KCNJ6: variants seen among roughly 807,000 people sequenced by gnomAD.
The protein encoded by KCNJ6 is potassium inwardly rectifying channel subfamily J member 6.
A neutral mutation model predicts 34.2 loss-of-function variants in KCNJ6; 9 were observed. That is an observed-to-expected ratio of 0.26 (90% confidence interval 0.16 to 0.46). KCNJ6 has a LOEUF of 0.46. Among genes scored for constraint, KCNJ6 ranks in the 20% least tolerant of loss-of-function variants. The pLI is 1.00. For missense variants in KCNJ6, 236 were observed against 531.3 expected (o/e 0.44, Z 5.46); for synonymous variants, 196 against 207.1 (o/e 0.95, Z 0.46).
chr21:37,669,935 T>C (rs1423309519), intron 3 of KCNJ6, among the ~76,000 whole-genome samples: 2 of 152,248 alleles, frequency 1.3e-5, no homozygotes, highest in African/African-American at 4.8e-5. Flanking sequence ...TAAGAATCCA[T>C]TGATGAATCC....
Position 37,631,454 on chromosome 21 carries a change from C to T in KCNJ6, c.947-5970G>A, listed in dbSNP as rs556204196. On this transcript the variant is annotated intron_variant, in intron 3 of 3. Coordinates refer to ENST00000609713, the MANE Select transcript of KCNJ6 (RefSeq NM_002240.5). ...TCAATAAAAGCAAGAGATGAGCCTT[C>T]TGGGGCTGGTGAAGAGGGAATAACA... Among the ~76,000 whole-genome samples, 42 of 152,244 alleles carry T rather than the reference C, an allele frequency of 2.8e-4. No individual in the cohort carries two copies. The South Asian group carries it at 8.3e-3, about 30-fold the overall frequency.
At chr21:37,853,561 A>G (rs1186292668) in intron 1 of KCNJ6, among the ~76,000 whole-genome samples, 1 of 152,090 alleles carries the variant, frequency 6.6e-6, no homozygotes. Flanking sequence ...AGGAAATAAT[A>G]AAAGAAGCAA....
chr21:37,752,890 C>T (rs968045339), intron 2 of KCNJ6, among the ~76,000 whole-genome samples: 4 of 152,140 alleles, frequency 2.6e-5, no homozygotes, highest in Non-Finnish European at 5.9e-5. Context: ...AGGCTCTGCC[C>T]CTGCCCTGGA....
intron 3 of KCNJ6, among the ~76,000 whole-genome samples, chr21:37,666,935 A>G (rs1296302513): frequency 6.6e-6 from 1 of 151,196 alleles, no homozygotes; most frequent in Non-Finnish European, 1.5e-5. Flanking sequence ...GCTTTGTTAA[A>G]CAGATGCTTG....
Position 37,707,863 on chromosome 21 carries a change from A to C in KCNJ6, c.946+6348T>G, listed in dbSNP as rs532463556. ...ATGCCCTAGGAAATAATAAAACTCT[A>C]TTTGTTTAAGGATATGCTAATTAGA... is the stretch of plus-strand genomic sequence containing the variant. On this transcript the variant is annotated intron_variant, in intron 3 of 3. Coordinates refer to ENST00000609713, the MANE Select transcript of KCNJ6 (RefSeq NM_002240.5). Among the ~76,000 whole-genome samples the C allele has an allele frequency of 1.7e-4, 26 of 150,732 alleles. No individual in the cohort carries two copies. In the South Asian group the frequency reaches 5.4e-3, roughly 32 times the overall value.
chr21:37,909,105 A>G (rs1056544948), intron 1 of KCNJ6, among the ~76,000 whole-genome samples: 16 of 152,174 alleles, frequency 1.1e-4, no homozygotes, highest in African/African-American at 3.9e-4. Flanking sequence ...CACTCAGCAG[A>G]TCTTAGAAGC....
chr21:37,648,969 CA>C (rs1454531082), intron 3 of KCNJ6, among the ~76,000 whole-genome samples: 1 of 151,242 alleles, frequency 6.6e-6, no homozygotes, highest in African/African-American at 2.4e-5. Flanking sequence ...CCGTCTCTAC[CA>C]AAAATACAAA....
rs74331000 is a variant in KCNJ6 at position 37,833,963 on chromosome 21, C to T, written c.25+6695G>A. Among the ~76,000 whole-genome samples the T allele has an allele frequency of 9.1e-3, 1,393 of 152,316 alleles. 10 individuals are homozygous for T. Among genetic ancestry groups the T allele is most frequent in the Non-Finnish European group, 0.016 (1,088 of 68,032 alleles). On this transcript the variant is annotated intron_variant, in intron 2 of 3. Coordinates refer to ENST00000609713, the MANE Select transcript of KCNJ6 (RefSeq NM_002240.5). ...TAGCCCTGGGGTGTCTCGAAAGCTT[C>T]GCCAAGCCTCTCTCCTAAGCTCAAA...
intron 1 of KCNJ6, among the ~76,000 whole-genome samples, chr21:37,901,199 T>C (rs73904492): frequency 6.5e-4 from 99 of 152,364 alleles, no homozygotes; most frequent in African/African-American, 2.3e-3. Flanking sequence ...TTAAAATGTG[T>C]TTACTTTTCT....
At chr21:37,768,481 T>C (rs1475546096) in intron 2 of KCNJ6, among the ~76,000 whole-genome samples, 1 of 152,174 alleles carries the variant, frequency 6.6e-6, no homozygotes. Context: ...GGAAAAAAAC[T>C]GAGCAACCAA....
intron 1 of KCNJ6, among the ~76,000 whole-genome samples, chr21:37,901,459 C>A (rs968206826): frequency 2.0e-5 from 3 of 152,148 alleles, no homozygotes; most frequent in Non-Finnish European, 1.5e-5. Flanking sequence ...CTCCTCCACC[C>A]CCACACATGT....
Position 37,905,922 on chromosome 21 carries a change from T to C in KCNJ6, c.-28+9962A>G, listed in dbSNP as rs79805211. Among the ~76,000 whole-genome samples the C allele has an allele frequency of 2.5e-4, 38 of 152,352 alleles. No homozygotes were observed. The East Asian group carries it at 6.9e-3, about 28-fold the overall frequency. On this transcript the variant is annotated intron_variant, in intron 1 of 3. Transcript: ENST00000609713. ...GGTCAGGAGATGTTTAGAATGAAAG[T>C]AAATGTTATATAGTTATAACTCTTC...
intron 1 of KCNJ6, among the ~76,000 whole-genome samples, chr21:37,881,918 T>G (rs1230337405): frequency 6.6e-6 from 1 of 152,164 alleles, no homozygotes; most frequent in African/African-American, 2.4e-5. Context: ...AGGGCAGTGC[T>G]AAGACCAACA....
At position 37,622,411 on chromosome 21, in the gene KCNJ6, A is replaced by G. The variant is rs1457976702; in HGVS notation, c.*2748T>C. ...TTCACTCACTACTCGCTGCTTAGAA[A>G]ATCAGTCTCAATGAACTTTCAGTTC... On this transcript the variant is annotated 3_prime_UTR_variant, in exon 4 of 4. Transcript: ENST00000609713. 6.6e-6 allele frequency: 1 copy of G among 152,234 alleles called. No homozygotes were observed. Among genetic ancestry groups the G allele is most frequent in the Non-Finnish European group, 1.5e-5 (1 of 68,040 alleles). The allele number at this position is 152,234 out of a possible 1,614,324, so 9.4% of individuals were successfully genotyped here.
intron 3 of KCNJ6, among the ~76,000 whole-genome samples, chr21:37,649,920 A>ATTTT (rs10597774): frequency 6.9e-6 from 1 of 143,976 alleles, no homozygotes; most frequent in African/African-American, 2.6e-5. Flanking sequence ...CACCCAGCTA[A>ATTTT]TTTTTTTTTT....
Position 37,793,378 on chromosome 21 carries a change from C to T in KCNJ6, c.25+47280G>A, listed in dbSNP as rs188599898. Among the ~76,000 whole-genome samples, 8 of 152,232 alleles carry T rather than the reference C, an allele frequency of 5.3e-5. No individual in the cohort carries two copies. In the East Asian group the frequency reaches 5.8e-4, roughly 11 times the overall value. On this transcript the variant is annotated intron_variant, in intron 2 of 3. Coordinates refer to ENST00000609713, the MANE Select transcript of KCNJ6 (RefSeq NM_002240.5). ...CTCTCCCCCAAAACCCTTCAGCCTT[C>T]GGCTGAGATGCCTTTGGTGGCACAG...
At position 37,902,980 on chromosome 21, in the gene KCNJ6, T is replaced by C. The variant is rs2123646910; in HGVS notation, c.-28+12904A>G. On this transcript the variant is annotated intron_variant, in intron 1 of 3. Coordinates refer to ENST00000609713, the MANE Select transcript of KCNJ6 (RefSeq NM_002240.5). ...TTTCAGCAAGTCCCTCTTGCACATA[T>C]CTTAAGCCCATTTTTTTTCCTCTCT... is the stretch of plus-strand genomic sequence containing the variant. 1.3e-5 allele frequency among the ~76,000 whole-genome samples: 2 copies of C among 152,302 alleles called. 1 individual carries two copies. Among genetic ancestry groups the C allele is most frequent in the African/African-American group, 4.8e-5 (2 of 41,568 alleles).
At chr21:37,733,210 A>ATAGAAT (rs1415724009) in intron 2 of KCNJ6, among the ~76,000 whole-genome samples, 1 of 152,228 alleles carries the variant, frequency 6.6e-6, no homozygotes, top group African/African-American at 2.4e-5. Flanking sequence ...CATCAATAAA[A>ATAGAAT]TAGAATTACT....
At chr21:37,821,861 T>C (rs1394336518) in intron 2 of KCNJ6, among the ~76,000 whole-genome samples, 1 of 152,234 alleles carries the variant, frequency 6.6e-6, no homozygotes, top group Admixed American at 6.5e-5. Context: ...AAATGCTGAA[T>C]GACAGTTTTC....
Sources: gnomAD v4.1 joint callset for allele counts (sites outside exome capture counted in the v4.1 genomes callset) on GRCh38, gnomAD v4.1.1 for gene constraint, MANE v1.5 for transcripts, NCBI Gene and HGNC (gene_info 2026-07-23, HGNC 2026-07-21) for gene names.